Variants in MGAT3 observed in about 807,000 individuals in gnomAD.
The protein encoded by MGAT3 is beta-1,4-mannosyl-glycoprotein 4-beta-N-acetylglucosaminyltransferase, also known as GlcNAc-T III.
MGAT3 carries 9 observed loss-of-function variants against 29.8 expected under a neutral mutation model. The observed-to-expected ratio is 0.30, with a 90% CI of 0.18 to 0.53. The LOEUF (loss-of-function observed/expected upper bound fraction) is 0.53, where lower values mean the gene tolerates loss of function less well. MGAT3 is among the 20% of genes least tolerant of loss of function. The pLI is 0.96. For synonymous variants in MGAT3, 397 were observed against 348.9 expected (o/e 1.14, Z -1.54); for missense variants, 557 against 769.5 (o/e 0.72, Z 3.27).
At chr22:39,479,322 A>G (rs760657859) in intron 1 of MGAT3, among the ~76,000 whole-genome samples, 3 of 152,226 alleles carry the variant, frequency 2.0e-5, no homozygotes, top group Non-Finnish European at 4.4e-5. Flanking sequence ...CTGCCTGGGT[A>G]ACAAAGAAAG....
At chr22:39,468,943 C>A (rs560426714) in intron 1 of MGAT3, among the ~76,000 whole-genome samples, 17 of 152,058 alleles carry the variant, frequency 1.1e-4, no homozygotes, top group African/African-American at 4.1e-4. Flanking sequence ...TGGACTTTCT[C>A]CTGAGGGCAG....
rs1215659643 is a variant in MGAT3 at position 39,488,386 on chromosome 22, T to A, written c.1039T>A (p.Ser347Thr). 1 of 1,612,932 alleles carries A rather than the reference T, an allele frequency of 6.2e-7. No homozygotes were observed. The highest frequency in any genetic ancestry group is 8.5e-7 in the Non-Finnish European group (1 of 1,180,020). ...TEPFAFHMRK[S>T]LYGFFWKQPG... ...GCCCTTCGCCTTCCACATGCGCAAGTCGCTCTACGGCTTCTTCTGGAAGCA... is the reference window on the plus strand; with the variant it reads ...GCCCTTCGCCTTCCACATGCGCAAGACGCTCTACGGCTTCTTCTGGAAGCA... Residue 347 changes from serine to threonine, a missense_variant, in exon 2 of 2, where the codon TCG becomes ACG. By Grantham distance (58) the Ser-to-Thr change is moderately conservative. This residue lies in a region of MGAT3 where 243 missense variants were observed against 444.0 expected (regional missense o/e 0.55). Coordinates refer to ENST00000341184, the MANE Select transcript of MGAT3 (RefSeq NM_002409.5).
chr22:39,469,421 C>T (rs1203430154), intron 1 of MGAT3, among the ~76,000 whole-genome samples: 1 of 152,208 alleles, frequency 6.6e-6, no homozygotes, highest in East Asian at 1.9e-4. Flanking sequence ...CCAGATCATT[C>T]CTGCCAGGTC....
At chr22:39,469,281 C>T (rs1457798597) in intron 1 of MGAT3, among the ~76,000 whole-genome samples, 1 of 152,112 alleles carries the variant, frequency 6.6e-6, no homozygotes, top group African/African-American at 2.4e-5. Flanking sequence ...GCTTGAGTCA[C>T]AGGTTACTAG....
intron 1 of MGAT3, among the ~76,000 whole-genome samples, chr22:39,481,740 G>A (rs539743849): frequency 2.6e-5 from 4 of 152,310 alleles, no homozygotes; most frequent in South Asian, 2.1e-4. Context: ...ATACAACCCC[G>A]TGATTGACCC....
chr22:39,476,093 C>T (rs1928953070), intron 1 of MGAT3, among the ~76,000 whole-genome samples: 1 of 151,934 alleles, frequency 6.6e-6, no homozygotes, highest in African/African-American at 2.4e-5. Context: ...TTGCCGGCCA[C>T]TCCGTGGGAA....
intron 1 of MGAT3, among the ~76,000 whole-genome samples, chr22:39,471,332 C>T (rs1308015400): frequency 1.3e-5 from 2 of 152,172 alleles, no homozygotes; most frequent in African/African-American, 4.8e-5. Flanking sequence ...CCATTGGCCT[C>T]AGTGGGTCCC....
intron 1 of MGAT3, among the ~76,000 whole-genome samples, chr22:39,478,541 G>A (rs1929033666): frequency 6.6e-6 from 1 of 152,238 alleles, no homozygotes; most frequent in Non-Finnish European, 1.5e-5. Flanking sequence ...AGGGGCCAGG[G>A]TGAGGCCAGC....
At position 39,491,332 on chromosome 22, in the gene MGAT3, G is replaced by C. The variant is rs1416635874; in HGVS notation, c.*2383G>C. 1 of 167,504 alleles carries C rather than the reference G, an allele frequency of 6.0e-6. No individual in the cohort carries two copies. The highest frequency in any genetic ancestry group is 2.4e-5 in the African/African-American group (1 of 41,440). The allele number at this position is 167,504 out of a possible 1,614,324, so 10.4% of individuals were successfully genotyped here. ...TTCCTTTCTGTTTGCTCTTGGGGCT[G>C]AGAGGTGGCTCAAACACTCGGGGTC... On this transcript the variant is annotated 3_prime_UTR_variant, in exon 2 of 2. Coordinates refer to ENST00000341184, the MANE Select transcript of MGAT3 (RefSeq NM_002409.5). This position sits in a 1 kb window ranked among gnomAD's most constrained non-coding sequence, Gnocchi z 5.5.
chr22:39,465,632 G>A (rs533383408), intron 1 of MGAT3, among the ~76,000 whole-genome samples: 6 of 152,002 alleles, frequency 3.9e-5, no homozygotes, highest in East Asian at 1.9e-4. Flanking sequence ...TTTTGGCACC[G>A]TGGCCCATGG....
chr22:39,469,247 G>A (rs937087933), intron 1 of MGAT3, among the ~76,000 whole-genome samples: 12 of 152,080 alleles, frequency 7.9e-5, no homozygotes, highest in East Asian at 5.8e-4. Flanking sequence ...GAACGTCATC[G>A]GAGCGTCAGT....
Position 39,489,051 on chromosome 22 carries a change from G to T in MGAT3, c.*102G>T. ...GGCTCCTTGGTTCTTGAGGGGACCA[G>T]GAGTGGGTGGGGAGTGGGGGTGGGG... On this transcript the variant is annotated 3_prime_UTR_variant, in exon 2 of 2. Coordinates refer to ENST00000341184, the MANE Select transcript of MGAT3 (RefSeq NM_002409.5). 2 of 1,353,456 alleles carry T rather than the reference G, an allele frequency of 1.5e-6. No homozygotes were observed. Among genetic ancestry groups the T allele is most frequent in the Non-Finnish European group, 2.0e-6 (2 of 1,012,706 alleles). The allele number at this position is 1,353,456 out of a possible 1,614,324, so 83.8% of individuals were successfully genotyped here. A position where few individuals can be genotyped will look rare whatever the true frequency, so the allele number is the denominator to read the frequency against.
chr22:39,464,151 A>T (rs907917945), intron 1 of MGAT3, among the ~76,000 whole-genome samples: 5 of 152,124 alleles, frequency 3.3e-5, no homozygotes, highest in Non-Finnish European at 5.9e-5. Context: ...TCATCCTAGC[A>T]CTTGCTGCCT....
Position 39,489,981 on chromosome 22 carries a change from T to TA in MGAT3, c.*1034dup, listed in dbSNP as rs1289963809. ...CTGTCTTGGGCCCAAAAAGGGACAATAAGGCCAGTTGTATGCTTCCTGTTC... is the reference window on the plus strand; with the variant it reads ...CTGTCTTGGGCCCAAAAAGGGACAATAAAGGCCAGTTGTATGCTTCCTGTTC... On this transcript the variant is annotated 3_prime_UTR_variant, in exon 2 of 2. Coordinates refer to ENST00000341184, the MANE Select transcript of MGAT3 (RefSeq NM_002409.5). 2 of 167,376 alleles carry TA rather than the reference T, an allele frequency of 1.2e-5. No individual in the cohort carries two copies. Among genetic ancestry groups the TA allele is most frequent in the Non-Finnish European group, 2.9e-5 (2 of 68,228 alleles). 10.4% of individuals were successfully genotyped at this position (167,376 alleles called of 1,614,324 possible).
chr22:39,482,209 A>G (rs1304906162), intron 1 of MGAT3, among the ~76,000 whole-genome samples: 1 of 148,812 alleles, frequency 6.7e-6, no homozygotes, highest in Non-Finnish European at 1.5e-5. Context: ...CTGGTCTTGA[A>G]CTCCCGGACT....
At chr22:39,478,497 G>A (rs992002765) in intron 1 of MGAT3, among the ~76,000 whole-genome samples, 8 of 152,350 alleles carry the variant, frequency 5.3e-5, no homozygotes, top group African/African-American at 1.9e-4. Flanking sequence ...CGGCTGTTAA[G>A]ACATGAGCCG....
In MGAT3 at chr22:39,488,667, C is replaced by G. The variant is rs1191411387; in HGVS notation, c.1320C>G (p.Phe440Leu). The change falls in exon 2 of 2, where the codon TTC becomes TTG. Residue 440 changes from phenylalanine (F) to leucine (L), a missense_variant. Coordinates refer to ENST00000341184, the MANE Select transcript of MGAT3 (RefSeq NM_002409.5). ...FKLVSAQNGD[F>L]PRWGDYEDKR... ...TCGTGTCCGCCCAGAATGGCGACTT[C>G]CCACGCTGGGGTGACTACGAGGACA... 3 of 1,613,696 alleles carry G rather than the reference C, an allele frequency of 1.9e-6. No individual in the cohort carries two copies. Among genetic ancestry groups the G allele is most frequent in the Non-Finnish European group, 2.5e-6 (3 of 1,180,034 alleles).
intron 1 of MGAT3, chr22:39,477,806 C>T (rs1929010522): frequency 6.6e-6 from 1 of 152,252 alleles, no homozygotes; most frequent in Non-Finnish European, 1.5e-5. Flanking sequence ...GCCGGCGTGT[C>T]CTGAGCATCT....
At chr22:39,475,656 G>T (rs1569002632) in intron 1 of MGAT3, among the ~76,000 whole-genome samples, 3 of 152,184 alleles carry the variant, frequency 2.0e-5, no homozygotes, top group South Asian at 2.1e-4. Context: ...CCTTGCTCCA[G>T]CTCTGTGACT....
Sources: allele counts gnomAD v4.1 joint callset (sites outside exome capture counted in the v4.1 genomes callset), GRCh38; gene constraint gnomAD v4.1.1; regional missense constraint gnomAD v4.1.1; non-coding constraint Gnocchi (gnomAD v3.1); transcripts MANE v1.5; gene names NCBI Gene and HGNC (gene_info 2026-07-23, HGNC 2026-07-21).